The following TWSG1 variants were observed in gnomAD, a reference collection of about 807,000 sequenced individuals.
The protein encoded by TWSG1 is twisted gastrulation protein homolog 1.
TWSG1 carries 15 observed loss-of-function variants against 23.0 expected under a neutral mutation model. That is an observed-to-expected ratio of 0.65 (90% CI 0.44 to 1.00). TWSG1 has a LOEUF of 1.00. Ranked by LOEUF, TWSG1 falls within the 50% of genes least tolerant of loss-of-function variation. The probability of loss-of-function intolerance (pLI) is 0.00; values close to 1 mark genes in which losing one functional copy is unlikely to be tolerated. For synonymous variants in TWSG1, 86 were observed against 92.8 expected (o/e 0.93, Z 0.42); for missense variants, 242 against 278.7 (o/e 0.87, Z 0.94).
chr18:9,367,065 G>A (rs891318106), intron 3 of TWSG1, among the ~76,000 whole-genome samples: 8 of 151,926 alleles, frequency 5.3e-5, no homozygotes, highest in African/African-American at 1.2e-4. Flanking sequence ...TCAGCCTCCC[G>A]AGTAGCTGGC....
intron 3 of TWSG1, among the ~76,000 whole-genome samples, chr18:9,389,633 T>C (rs7234330): frequency 0.47 from 72,222 of 152,060 alleles, 18,164 homozygotes; most frequent in East Asian, 0.71. Flanking sequence ...CCTCAGCTCT[T>C]GCCATGATCC....
chr18:9,382,528 A>G lies in TWSG1; in HGVS notation c.224-13752A>G, dbSNP rs374197355. ...ACAGAGTGAGACTCTGTCTCAAAAA[A>G]AAAGGCTGGGTGCGGTGGCTCACAC... On this transcript the variant is annotated intron_variant, in intron 3 of 4. Coordinates refer to ENST00000262120, the MANE Select transcript of TWSG1 (RefSeq NM_020648.6). 1.3e-4 allele frequency among the ~76,000 whole-genome samples: 20 copies of G among 150,598 alleles called. No individual in the cohort carries two copies. The South Asian group carries it at 3.6e-3, about 27-fold the overall frequency.
chr18:9,335,230 C>T (rs567174277), intron 1 of TWSG1, among the ~76,000 whole-genome samples: 1 of 152,160 alleles, frequency 6.6e-6, no homozygotes, highest in Non-Finnish European at 1.5e-5. Flanking sequence ...TCCCCCACAC[C>T]GCTACCGGCC....
chr18:9,363,179 G>T (rs976106421), intron 3 of TWSG1, among the ~76,000 whole-genome samples: 10 of 152,054 alleles, frequency 6.6e-5, no homozygotes, highest in African/African-American at 2.4e-4. Context: ...ACTTTCCCCT[G>T]TGGCTCCCTT....
intron 3 of TWSG1, among the ~76,000 whole-genome samples, chr18:9,390,021 T>TA (rs2040704605): frequency 6.6e-6 from 1 of 152,340 alleles, no homozygotes; most frequent in East Asian, 1.9e-4. Flanking sequence ...ACTTTATTGT[T>TA]AAAAAATGCA....
chr18:9,397,666 T>C (rs1292297270), intron 4 of TWSG1, among the ~76,000 whole-genome samples: 5 of 152,220 alleles, frequency 3.3e-5, no homozygotes, highest in Non-Finnish European at 7.3e-5. Flanking sequence ...TAATTTGTAC[T>C]CTTACTTGAC....
chr18:9,371,016 A>G (rs2040602568), intron 3 of TWSG1, among the ~76,000 whole-genome samples: 1 of 151,024 alleles, frequency 6.6e-6, no homozygotes, highest in Admixed American at 6.7e-5. Flanking sequence ...GAATAGCAGT[A>G]CCTTTATTCC....
At chr18:9,375,949 T>C (rs756721576) in intron 3 of TWSG1, among the ~76,000 whole-genome samples, 7 of 151,982 alleles carry the variant, frequency 4.6e-5, no homozygotes, top group Non-Finnish European at 8.8e-5. Context: ...GGAGTCTCGC[T>C]CTTTCACCCA....
chr18:9,364,743 G>A (rs34906373), intron 3 of TWSG1, among the ~76,000 whole-genome samples: 22,899 of 151,784 alleles, frequency 0.15, 2,427 homozygotes, highest in Non-Finnish European at 0.23. Flanking sequence ...GCAGTGAGCC[G>A]AGATAGTGCC....
At chr18:9,386,096 G>T (rs977768958) in intron 3 of TWSG1, among the ~76,000 whole-genome samples, 3 of 151,930 alleles carry the variant, frequency 2.0e-5, no homozygotes, top group African/African-American at 7.3e-5. Flanking sequence ...TTGATCCCGG[G>T]AGGCGGAGGT....
At chr18:9,337,971 T>G (rs1173293197) in intron 2 of TWSG1, among the ~76,000 whole-genome samples, 1 of 152,204 alleles carries the variant, frequency 6.6e-6, no homozygotes, top group African/African-American at 2.4e-5. Flanking sequence ...GGCCTCTTAA[T>G]GTAGCCACCA....
At chr18:9,388,721 T>C (rs2040697197) in intron 3 of TWSG1, among the ~76,000 whole-genome samples, 1 of 152,210 alleles carries the variant, frequency 6.6e-6, no homozygotes, top group Admixed American at 6.5e-5. Context: ...CTTTCATTTA[T>C]TTATTTGTTT....
intron 2 of TWSG1, among the ~76,000 whole-genome samples, chr18:9,350,608 G>A (rs1490575347): frequency 2.6e-5 from 4 of 152,210 alleles, no homozygotes; most frequent in Non-Finnish European, 4.4e-5. Flanking sequence ...CTAGGTTTAT[G>A]TGAGAAAGAG....
At chr18:9,341,203 G>C (rs1476302378) in intron 2 of TWSG1, among the ~76,000 whole-genome samples, 1 of 152,202 alleles carries the variant, frequency 6.6e-6, no homozygotes, top group East Asian at 1.9e-4. Context: ...ATGTGGATGG[G>C]ATATAATGGT....
rs186624821 is a variant in TWSG1, at chr18:9,377,101, G to C, written c.223+17030G>C. On this transcript the variant is annotated intron_variant, in intron 3 of 4. Coordinates refer to ENST00000262120, the MANE Select transcript of TWSG1 (RefSeq NM_020648.6). ...GCATCTGTGGATTTTGGTGTTTCCTGGGGGGTCCTGGAACCAATCCCCCAC... is the reference window on the plus strand; with the variant it reads ...GCATCTGTGGATTTTGGTGTTTCCTCGGGGGTCCTGGAACCAATCCCCCAC... Among the ~76,000 whole-genome samples, 886 of 152,206 alleles carry C rather than the reference G, an allele frequency of 5.8e-3. 2 individuals carry two copies. The highest frequency in any genetic ancestry group is 0.018 in the South Asian group (86 of 4,826).
chr18:9,343,211 TA>T (rs1159585992), intron 2 of TWSG1, among the ~76,000 whole-genome samples: 433 of 1,152 alleles, frequency 0.38, 7 homozygotes, highest in African/African-American at 0.44. Context: ...TGTTTTTTGT[TA>T]TATATATATA....
intron 3 of TWSG1, among the ~76,000 whole-genome samples, chr18:9,390,827 C>T (rs1237347593): frequency 6.6e-6 from 1 of 152,142 alleles, no homozygotes; most frequent in Non-Finnish European, 1.5e-5. Context: ...GCCTGGACAT[C>T]ATAGTGAGAC....
rs1384293543 is a variant in TWSG1, at chr18:9,400,929, T to C, written c.*1402T>C. 2.0e-5 allele frequency: 3 copies of C among 152,222 alleles called. No homozygotes were observed. The highest frequency in any genetic ancestry group is 4.4e-5 in the Non-Finnish European group (3 of 68,024). 9.4% of individuals were successfully genotyped at this position (152,222 alleles called of 1,614,324 possible). A position where few individuals can be genotyped will look rare whatever the true frequency, so the allele number is the denominator to read the frequency against. ...TGCATATTTGAACTACAAGCAACTT[T>C]TTAGGAATACCTCTTTATACGTCTA... is the stretch of plus-strand genomic sequence containing the variant. On this transcript the variant is annotated 3_prime_UTR_variant, in exon 5 of 5. Coordinates refer to ENST00000262120, the MANE Select transcript of TWSG1 (RefSeq NM_020648.6).
intron 3 of TWSG1, among the ~76,000 whole-genome samples, chr18:9,392,350 T>C (rs529332103): frequency 6.6e-6 from 1 of 152,282 alleles, no homozygotes; most frequent in Non-Finnish European, 1.5e-5. Context: ...TTTTATGTTA[T>C]AGAGATGGCT....
Sources: allele counts gnomAD v4.1 joint callset (sites outside exome capture counted in the v4.1 genomes callset), GRCh38; gene constraint gnomAD v4.1.1; transcripts MANE v1.5; gene names NCBI Gene and HGNC (gene_info 2026-07-23, HGNC 2026-07-21).